Variants in FAM107B observed in about 807,000 individuals in gnomAD.
FAM107B encodes the protein protein FAM107B.
FAM107B carries 21 observed loss-of-function variants against 31.5 expected under a neutral mutation model. The observed-to-expected ratio is 0.67, with a 90% CI of 0.47 to 0.96. The LOEUF (loss-of-function observed/expected upper bound fraction) is 0.96, where lower values mean the gene tolerates loss of function less well. FAM107B is among the 40% of genes least tolerant of loss of function. FAM107B has a pLI of 0.00. For synonymous variants in FAM107B, 157 were observed against 141.5 expected (o/e 1.11, Z -0.78); for missense variants, 452 against 377.1 (o/e 1.20, Z -1.64).
At chr10:14,737,615 AAAACAAAC>A (rs557002907) in intron 1 of FAM107B, among the ~76,000 whole-genome samples, 2 of 151,664 alleles carry the variant, frequency 1.3e-5, no homozygotes, top group Middle Eastern at 6.8e-3. Flanking sequence ...CTCGGCCTCC[AAAACAAAC>A]AAACAAACAA....
chr10:14,556,991 A>G (rs952859042), intron 2 of FAM107B, among the ~76,000 whole-genome samples: 3 of 152,076 alleles, frequency 2.0e-5, no homozygotes, highest in African/African-American at 7.2e-5. Context: ...TCTGGGCTGC[A>G]TGTCTTGGTG....
In FAM107B at chr10:14,700,786, C is replaced by CTT. The variant is rs374431000; in HGVS notation, c.412-33096_412-33095insAA. Among the ~76,000 whole-genome samples, 213 of 137,672 alleles carry CTT rather than the reference C, an allele frequency of 1.5e-3. 1 individual carries two copies. The highest frequency in any genetic ancestry group is 5.7e-3 in the African/African-American group (207 of 36,056). The allele number at this position is 137,672 out of a possible 152,430, so 90.3% of individuals were successfully genotyped here. ...TGAAATCACACCAGCTCTGGATCAA[C>CTT]TACAGGCCCAGCTGGTCACTTGGAT... On this transcript the variant is annotated intron_variant, in intron 1 of 4. Coordinates refer to ENST00000181796, the MANE Select transcript of FAM107B (RefSeq NM_031453.4).
chr10:14,645,934 G>A (rs1327577), intron 2 of FAM107B, among the ~76,000 whole-genome samples: 16,698 of 152,106 alleles, frequency 0.11, 1,083 homozygotes, highest in Admixed American at 0.21. Flanking sequence ...AATAAGAATT[G>A]GACTAATAGT....
intron 1 of FAM107B, among the ~76,000 whole-genome samples, chr10:14,686,331 G>A (rs1854986218): frequency 6.6e-6 from 1 of 151,580 alleles, no homozygotes; most frequent in South Asian, 2.1e-4. Context: ...GGAGATTGCA[G>A]TGAGCTGAGA....
At chr10:14,697,180 G>A (rs1298718140) in intron 1 of FAM107B, among the ~76,000 whole-genome samples, 1 of 152,168 alleles carries the variant, frequency 6.6e-6, no homozygotes, top group Non-Finnish European at 1.5e-5. Flanking sequence ...AAAAATCTCA[G>A]CCCCTTAAAG....
intron 1 of FAM107B, among the ~76,000 whole-genome samples, chr10:14,698,623 C>T (rs1164864548): frequency 2.6e-5 from 4 of 152,192 alleles, no homozygotes; most frequent in Non-Finnish European, 4.4e-5. Flanking sequence ...CTCAAAAACA[C>T]GTGAGTTGAC....
chr10:14,727,853 T>A (rs1856072586), intron 1 of FAM107B, among the ~76,000 whole-genome samples: 1 of 152,242 alleles, frequency 6.6e-6, no homozygotes, highest in African/African-American at 2.4e-5. Context: ...AAAAGTGATT[T>A]CAGGGAGTTT....
At chr10:14,556,315 T>A (rs1849695414) in intron 2 of FAM107B, 2 of 973,940 alleles carry the variant, frequency 2.1e-6, no homozygotes, top group Non-Finnish European at 2.4e-6. Flanking sequence ...GATAAAGTCA[T>A]CAATGGTGAC....
At chr10:14,557,025 G>A (rs1564563217) in intron 2 of FAM107B, among the ~76,000 whole-genome samples, 1 of 152,172 alleles carries the variant, frequency 6.6e-6, no homozygotes, top group African/African-American at 2.4e-5. Flanking sequence ...CACCTGGAGC[G>A]CATGACCCTC....
intron 2 of FAM107B, among the ~76,000 whole-genome samples, chr10:14,549,403 C>T (rs1400068303): frequency 6.6e-6 from 1 of 152,184 alleles, no homozygotes; most frequent in Admixed American, 6.5e-5. Flanking sequence ...CTGCAATAAG[C>T]AATAAAGATG....
At chr10:14,568,853 G>C (rs888810301) in intron 2 of FAM107B, among the ~76,000 whole-genome samples, 1 of 151,916 alleles carries the variant, frequency 6.6e-6, no homozygotes, top group Non-Finnish European at 1.5e-5. Context: ...CTGGAAGGAG[G>C]GGGAGAGACA....
intron 1 of FAM107B, among the ~76,000 whole-genome samples, chr10:14,698,337 T>C (rs930508922): frequency 2.0e-5 from 3 of 152,252 alleles, no homozygotes; most frequent in African/African-American, 7.2e-5. Flanking sequence ...AAAGAGTGAT[T>C]TGAGCAAAAG....
At chr10:14,687,752 T>C (rs1323467790) in intron 1 of FAM107B, among the ~76,000 whole-genome samples, 1 of 152,184 alleles carries the variant, frequency 6.6e-6, no homozygotes, top group Non-Finnish European at 1.5e-5. Context: ...TTCTTATTCC[T>C]GGCTAGAGCA....
intron 1 of FAM107B, among the ~76,000 whole-genome samples, chr10:14,738,887 T>A (rs184630479): frequency 6.6e-6 from 1 of 152,238 alleles, no homozygotes; most frequent in African/African-American, 2.4e-5. Context: ...AGGCAATGAA[T>A]TTATTTTGCT....
At chr10:14,589,736 C>T (rs960659490) in intron 2 of FAM107B, among the ~76,000 whole-genome samples, 8 of 151,892 alleles carry the variant, frequency 5.3e-5, no homozygotes, top group African/African-American at 1.9e-4. Context: ...TTGATGGGTG[C>T]GCCAAACCAC....
At chr10:14,686,555 A>T (rs772177130) in intron 1 of FAM107B, among the ~76,000 whole-genome samples, 9 of 152,192 alleles carry the variant, frequency 5.9e-5, no homozygotes, top group Non-Finnish European at 8.8e-5. Flanking sequence ...GTAACACTCA[A>T]CAATGCCTCT....
At chr10:14,527,563 A>T (rs1846424565) in intron 3 of FAM107B, among the ~76,000 whole-genome samples, 1 of 152,258 alleles carries the variant, frequency 6.6e-6, no homozygotes, top group South Asian at 2.1e-4. Context: ...ATTTCAAAAA[A>T]CTATTATGTA....
chr10:14,541,081 G>C (rs1386152071), intron 2 of FAM107B, among the ~76,000 whole-genome samples: 1 of 152,124 alleles, frequency 6.6e-6, no homozygotes, highest in African/African-American at 2.4e-5. Flanking sequence ...TCAACCCTAA[G>C]TACAGAATCG....
chr10:14,695,373 C>T (rs1855241229), intron 1 of FAM107B, among the ~76,000 whole-genome samples: 3 of 152,124 alleles, frequency 2.0e-5, no homozygotes, highest in Admixed American at 6.6e-5. Flanking sequence ...TATGTTTATG[C>T]CATTACCATG....
Sources: allele counts gnomAD v4.1 joint callset (sites outside exome capture counted in the v4.1 genomes callset), GRCh38; gene constraint gnomAD v4.1.1; transcripts MANE v1.5; gene names NCBI Gene and HGNC (gene_info 2026-07-23, HGNC 2026-07-21).